The following POLR3A variants were observed in gnomAD, a reference collection of about 807,000 sequenced individuals.
POLR3A encodes the protein RNA polymerase III subunit A, also known as DNA-directed RNA polymerase III subunit RPC1.
POLR3A carries 112 observed loss-of-function variants against 152.8 expected under a neutral mutation model. The ratio of observed to expected loss-of-function variants is 0.73; its 90% CI spans 0.63 to 0.86. The LOEUF is 0.86. Ranked by LOEUF, POLR3A falls within the 40% of genes least tolerant of loss-of-function variation. POLR3A has a pLI of 0.00. For synonymous variants in POLR3A, 615 were observed against 652.1 expected, an observed-to-expected ratio of 0.94 and a Z score of 0.87; for missense variants, 1,385 against 1,743.1, an observed-to-expected ratio of 0.79 and a Z score of 3.66.
rs76022675 is a variant in POLR3A, at chr10:78,003,192, G to A, written c.2248-884C>T. On this transcript the variant is annotated intron_variant, in intron 16 of 30. Transcript: ENST00000372371. ...GGTTCCATGAAAAATTGCTGCTGCC[G>A]AGGTCTCAAGTAATTTTCTAGGAGG... Among the ~76,000 whole-genome samples the A allele has an allele frequency of 8.5e-4, 130 of 152,264 alleles. 1 individual carries two copies. The highest frequency in any genetic ancestry group is 3.1e-3 in the African/African-American group (128 of 41,546).
chr10:77,977,480 ATG>A lies in POLR3A; in HGVS notation c.4169_4170del (p.Thr1390IlefsTer20). 6.2e-7 allele frequency: 1 copy of A among 1,614,024 alleles called. No individual in the cohort carries two copies. The highest frequency in any genetic ancestry group is 8.5e-7 in the Non-Finnish European group (1 of 1,179,950). Reference protein sequence around the residue: ...DTNEFHIPLVT With the variant: ...DTNEFHIPLVX Reference sequence around the variant, plus strand: ...GCATGGTCCCCTCTTTCTTTGGACTATGTGACAAGGGGGATGTGGAATTCATT... The same window carrying A: ...GCATGGTCCCCTCTTTCTTTGGACTATGACAAGGGGGATGTGGAATTCATT... On this transcript the variant is annotated frameshift_variant, in exon 31 of 31. Transcript: ENST00000372371. LOFTEE classifies it high-confidence loss of function.
intron 27 of POLR3A, 29 bp from the exon 28 acceptor site, chr10:77,982,347 G>C (rs1312442216): frequency 6.2e-7 from 1 of 1,612,058 alleles, no homozygotes; most frequent in Non-Finnish European, 8.5e-7. Flanking sequence ...AAAGCTGTGA[G>C]GACGGGGTGA....
At chr10:78,025,246 A>G (rs1006036410) in intron 3 of POLR3A, 104 bp from the exon 4 acceptor site, 2 of 1,198,880 alleles carry the variant, frequency 1.7e-6, no homozygotes, top group Non-Finnish European at 2.4e-6. Flanking sequence ...CCACGTGACC[A>G]TATACACAGA....
intron 9 of POLR3A, 100 bp downstream of exon 9, chr10:78,019,062 G>A (rs531883850): frequency 5.3e-5 from 46 of 866,698 alleles, no homozygotes; most frequent in African/African-American, 2.1e-4. Flanking sequence ...AAAATGTCAC[G>A]CAAACTGTAT....
intron 10 of POLR3A, among the ~76,000 whole-genome samples, chr10:78,015,111 A>G (rs916550820): frequency 4.7e-4 from 71 of 152,318 alleles, no homozygotes; most frequent in African/African-American, 1.7e-3. Flanking sequence ...GATGACTGTT[A>G]ATTTTGTTAG....
rs2131922636 is a variant in POLR3A, at chr10:77,976,872, T to G, written c.*606A>C. On this transcript the variant is annotated 3_prime_UTR_variant, in exon 31 of 31. Coordinates refer to ENST00000372371, the MANE Select transcript of POLR3A (RefSeq NM_007055.4). ...CAAATCCCAGACGGCTCTATTTGCT[T>G]AAACCAGTTTTTCCAGTGACGCTTA... 6.5e-6 allele frequency: 1 copy of G among 154,470 alleles called. No homozygotes were observed. The highest frequency in any genetic ancestry group is 2.4e-5 in the African/African-American group (1 of 41,590). The allele number at this position is 154,470 out of a possible 1,614,324, so 9.6% of individuals were successfully genotyped here. A position where few individuals can be genotyped will look rare whatever the true frequency, so the allele number is the denominator to read the frequency against.
chr10:78,001,142 T>A, intron 17 of POLR3A, 48 bp from the exon 18 acceptor site: 1 of 1,001,164 alleles, frequency 1.0e-6, no homozygotes, highest in Non-Finnish European at 1.6e-6. Context: ...AAAATAACAC[T>A]AATTGAAGTG....
At chr10:78,013,211 G>T (rs117315088) in intron 11 of POLR3A, 2,817 of 273,906 alleles carry the variant, frequency 0.01, 26 homozygotes, top group South Asian at 0.018. Flanking sequence ...GTTTAGGAAG[G>T]TTTCCATTCA....
rs1274260774 is a variant in POLR3A at position 78,009,676 on chromosome 10, C to T, written c.1771-1G>A. 1 of 1,614,004 alleles carries T rather than the reference C, an allele frequency of 6.2e-7. No individual in the cohort carries two copies. Among genetic ancestry groups the T allele is most frequent in the African/African-American group, 1.3e-5 (1 of 74,904 alleles). The stretch of plus-strand genomic sequence containing the variant: ...GCTTTCCCGTCCACAGGGTGACAGG[C>T]TGAGGGGGGGAGGAAGCCTGAGAGT... On this transcript the variant is annotated splice_acceptor_variant, in intron 13 of 30. Coordinates refer to ENST00000372371, the MANE Select transcript of POLR3A (RefSeq NM_007055.4). LOFTEE classifies it high-confidence loss of function.
intron 20 of POLR3A, among the ~76,000 whole-genome samples, chr10:77,991,666 G>A (rs1312613119): frequency 6.6e-6 from 1 of 152,122 alleles, no homozygotes; most frequent in Non-Finnish European, 1.5e-5. Flanking sequence ...GGGACTACAG[G>A]CATGCGCCAC....
At chr10:78,024,811 A>C (rs1231291063) in intron 4 of POLR3A, 108 bp from the exon 5 acceptor site, 18 of 1,333,588 alleles carry the variant, frequency 1.3e-5, no homozygotes, top group Admixed American at 1.8e-5. Flanking sequence ...GCAATGAAAG[A>C]TGAGAGGTCC....
chr10:78,005,555 G>C (rs1268452836), intron 15 of POLR3A, among the ~76,000 whole-genome samples: 1 of 152,252 alleles, frequency 6.6e-6, no homozygotes, highest in Non-Finnish European at 1.5e-5. Context: ...GTGGCTTCTG[G>C]CTTAGCAGGA....
chr10:77,982,524 A>G lies in POLR3A; in HGVS notation c.3594+129T>C, dbSNP rs548001689. ...AGAACAGAGAGGAATCTAACAGACT[A>G]ACTCCTTGGGGATAAGGCCAAGAAG... On this transcript the variant is annotated intron_variant, in intron 27 of 30. Coordinates refer to ENST00000372371, the MANE Select transcript of POLR3A (RefSeq NM_007055.4). 36 of 942,836 alleles carry G rather than the reference A, an allele frequency of 3.8e-5. No individual in the cohort carries two copies. The African/African-American group carries it at 5.5e-4, about 14-fold the overall frequency. 58.4% of individuals were successfully genotyped at this position (942,836 alleles called of 1,614,324 possible). A position where few individuals can be genotyped will look rare whatever the true frequency, so the allele number is the denominator to read the frequency against.
intron 1 of POLR3A, among the ~76,000 whole-genome samples, chr10:78,026,562 C>G (rs2131962224): frequency 6.6e-6 from 1 of 152,320 alleles, no homozygotes; most frequent in African/African-American, 2.4e-5. Context: ...TTTCTCTCGG[C>G]TTTGGTGACA....
Position 78,009,649 on chromosome 10 carries a change from C to T in POLR3A, c.1797G>A (p.Gln599=). ...LKPVTLWTGK[Q]IFSVILRPSD... ...TAGGCCTGAGGATGACACTGAAGAT[C>T]TGCTTTCCCGTCCACAGGGTGACAG... Residue 599 remains glutamine, a synonymous_variant, in exon 14 of 31, where the codon CAG becomes CAA. Coordinates refer to ENST00000372371, the MANE Select transcript of POLR3A (RefSeq NM_007055.4). 1 of 1,614,170 alleles carries T rather than the reference C, an allele frequency of 6.2e-7. No individual in the cohort carries two copies. Among genetic ancestry groups the T allele is most frequent in the Non-Finnish European group, 8.5e-7 (1 of 1,180,028 alleles).
At chr10:78,017,127 T>C (rs1238448616) in intron 10 of POLR3A, among the ~76,000 whole-genome samples, 2 of 151,988 alleles carry the variant, frequency 1.3e-5, no homozygotes, top group Non-Finnish European at 1.5e-5. Flanking sequence ...GGGAGACCAA[T>C]AGTTATGAAA....
Position 78,021,882 on chromosome 10 carries a change from G to T in POLR3A, c.1026C>A (p.Val342=). 1 of 1,614,036 alleles carries T rather than the reference G, an allele frequency of 6.2e-7. No individual in the cohort carries two copies. Among genetic ancestry groups the T allele is most frequent in the Non-Finnish European group, 8.5e-7 (1 of 1,180,032 alleles). The part of the protein sequence containing the change: ...MAPKKWTRGF[V]QRLKGKQGRF... ...TACCCTGTTTTCCCTTCAGGCGTTG[G>T]ACGAAGCCTCTGGTCCACTTCTTGG... The change falls in exon 7 of 31, where the codon GTC becomes GTA. Residue 342 remains valine, a synonymous_variant. Coordinates refer to ENST00000372371, the MANE Select transcript of POLR3A (RefSeq NM_007055.4).
At chr10:77,998,138 A>T (rs1383416462) in intron 19 of POLR3A, among the ~76,000 whole-genome samples, 5 of 152,222 alleles carry the variant, frequency 3.3e-5, no homozygotes, top group Non-Finnish European at 5.9e-5. Context: ...CTTATACCTT[A>T]TACAAAAATT....
At position 78,025,191 on chromosome 10, in the gene POLR3A, A is replaced by G. The variant is rs766950357; in HGVS notation, c.319-49T>C. 2.5e-6 allele frequency: 4 copies of G among 1,602,118 alleles called. No homozygotes were observed. In the African/African-American group the frequency reaches 5.4e-5, roughly 21 times the overall value. Reference sequence around the variant, plus strand: ...ATAAAAGCATAAGTGAGAATGAAAAATTATTTTCTTTTAAAAATGCCATCG... The same window carrying G: ...ATAAAAGCATAAGTGAGAATGAAAAGTTATTTTCTTTTAAAAATGCCATCG... On this transcript the variant is annotated intron_variant, in intron 3 of 30. Transcript: ENST00000372371.
Sources: gnomAD v4.1 joint callset for allele counts (sites outside exome capture counted in the v4.1 genomes callset) on GRCh38, gnomAD v4.1.1 for gene constraint, MANE v1.5 for transcripts, NCBI Gene and HGNC (gene_info 2026-07-23, HGNC 2026-07-21) for gene names.